MAGI3: variants seen among roughly 807,000 people sequenced by gnomAD.
The protein encoded by MAGI3 is membrane-associated guanylate kinase, WW and PDZ domain-containing protein 3.
A neutral mutation model predicts 121.8 loss-of-function variants in MAGI3; 43 were observed. The observed-to-expected ratio is 0.35, with a 90% CI of 0.28 to 0.46. The LOEUF (loss-of-function observed/expected upper bound fraction) is 0.46, where lower values mean the gene tolerates loss of function less well. Ranked by LOEUF, MAGI3 falls within the 20% of genes least tolerant of loss-of-function variation. The pLI, the probability that MAGI3 is intolerant of heterozygous loss-of-function variation, is 1.00. For synonymous variants in MAGI3, 553 were observed against 639.3 expected (o/e 0.86, Z 2.04); for missense variants, 1,547 against 1,797.3 (o/e 0.86, Z 2.52).
intron 6 of MAGI3, among the ~76,000 whole-genome samples, chr1:113,596,330 A>G (rs936806307): frequency 6.6e-6 from 1 of 152,212 alleles, no homozygotes; most frequent in Non-Finnish European, 1.5e-5. Flanking sequence ...ACTTCATACA[A>G]ACAGTTAATT....
chr1:113,462,718 A>G (rs189370472), intron 1 of MAGI3, among the ~76,000 whole-genome samples: 53 of 152,300 alleles, frequency 3.5e-4, no homozygotes, highest in Admixed American at 1.0e-3. Context: ...AAGGTGAAAA[A>G]CAAAAGATGA....
At chr1:113,553,523 A>G (rs909608443) in intron 2 of MAGI3, among the ~76,000 whole-genome samples, 6 of 152,174 alleles carry the variant, frequency 3.9e-5, no homozygotes, top group Non-Finnish European at 7.4e-5. Context: ...TTTGAGTTCT[A>G]ATCAGCTTGG....
chr1:113,655,252 C>T (rs942081094), intron 15 of MAGI3, among the ~76,000 whole-genome samples: 2 of 152,070 alleles, frequency 1.3e-5, no homozygotes, highest in East Asian at 1.9e-4. Flanking sequence ...TTGTCATTCT[C>T]GTAACATACA....
At chr1:113,593,721 T>C (rs916503036) in intron 5 of MAGI3, among the ~76,000 whole-genome samples, 2 of 152,196 alleles carry the variant, frequency 1.3e-5, no homozygotes, top group South Asian at 4.1e-4. Context: ...TGCTGCATGG[T>C]GACCTGGTCT....
chr1:113,397,918 A>G (rs1651200800), intron 1 of MAGI3, among the ~76,000 whole-genome samples: 1 of 152,168 alleles, frequency 6.6e-6, no homozygotes, highest in Non-Finnish European at 1.5e-5. Context: ...CTAGCCTAGG[A>G]AAAAGGGAAT....
intron 1 of MAGI3, among the ~76,000 whole-genome samples, chr1:113,412,556 A>G (rs1652058824): frequency 6.6e-6 from 1 of 152,064 alleles, no homozygotes; most frequent in Admixed American, 6.5e-5. Context: ...CTTTTTAATG[A>G]TTGCCATTCT....
rs753907225 is a variant in MAGI3 at position 113,659,118 on chromosome 1, C to A, written c.2668C>A (p.Pro890Thr). 2 of 1,613,286 alleles carry A rather than the reference C, an allele frequency of 1.2e-6. No individual in the cohort carries two copies. Among genetic ancestry groups the A allele is most frequent in the African/African-American group, 1.3e-5 (1 of 74,842 alleles). ...HKIGRVIEGS[P>T]ADRCGKLKVG... ...AATTGGCCGAGTCATAGAAGGAAGT[C>A]CGGCTGACCGCTGTGGAAAACTGAA... The change falls in exon 16 of 21, where the codon CCG becomes ACG. Residue 890 changes from proline to threonine, a missense_variant. Coordinates refer to ENST00000307546, the MANE Select transcript of MAGI3 (RefSeq NM_001142782.2).
At chr1:113,449,989 C>T in intron 1 of MAGI3, 1 of 1,567,348 alleles carries the variant, frequency 6.4e-7, no homozygotes, top group Non-Finnish European at 8.7e-7. Flanking sequence ...TCTGTAAAGC[C>T]TGGTGCCCAT....
At chr1:113,416,009 T>C (rs1338949325) in intron 1 of MAGI3, among the ~76,000 whole-genome samples, 4 of 125,430 alleles carry the variant, frequency 3.2e-5, no homozygotes, top group Non-Finnish European at 6.8e-5. Flanking sequence ...TAATTACATA[T>C]ATTAATTATG....
intron 1 of MAGI3, among the ~76,000 whole-genome samples, chr1:113,394,467 T>C (rs575448393): frequency 6.6e-6 from 1 of 152,308 alleles, no homozygotes; most frequent in East Asian, 1.9e-4. Context: ...AGTAGTAAAG[T>C]TGAACTTTGG....
chr1:113,507,803 A>C (rs1247401749), intron 1 of MAGI3, among the ~76,000 whole-genome samples: 1 of 152,206 alleles, frequency 6.6e-6, no homozygotes, highest in Non-Finnish European at 1.5e-5. Context: ...TTTACCTACT[A>C]AAGAAAGACA....
intron 1 of MAGI3, among the ~76,000 whole-genome samples, chr1:113,547,043 A>G (rs1239004373): frequency 2.0e-5 from 3 of 150,852 alleles, no homozygotes; most frequent in Non-Finnish European, 4.4e-5. Flanking sequence ...AGATTGTGCC[A>G]CTGCACTCCA....
At chr1:113,428,353 G>T (rs1425063400) in intron 1 of MAGI3, among the ~76,000 whole-genome samples, 3 of 152,046 alleles carry the variant, frequency 2.0e-5, no homozygotes, top group African/African-American at 7.2e-5. Context: ...TTCCCCATAT[G>T]GATTTTTAGT....
chr1:113,618,955 CACTTA>C (rs2101783263), intron 7 of MAGI3, among the ~76,000 whole-genome samples: 1 of 152,334 alleles, frequency 6.6e-6, no homozygotes, highest in South Asian at 2.1e-4. Flanking sequence ...TAACCAACTC[CACTTA>C]ACTGGCTTGC....
chr1:113,571,887 C>T (rs1375237093), intron 2 of MAGI3, among the ~76,000 whole-genome samples: 1 of 152,198 alleles, frequency 6.6e-6, no homozygotes, highest in Non-Finnish European at 1.5e-5. Flanking sequence ...CCCTTTATTT[C>T]TTTCTCTTGC....
At chr1:113,495,167 G>A (rs935689887) in intron 1 of MAGI3, among the ~76,000 whole-genome samples, 6 of 151,996 alleles carry the variant, frequency 3.9e-5, no homozygotes, top group African/African-American at 7.2e-5. Flanking sequence ...TAAGTGATTC[G>A]AAGTAATGCA....
intron 1 of MAGI3, among the ~76,000 whole-genome samples, chr1:113,423,121 T>A (rs976402244): frequency 3.9e-5 from 6 of 152,122 alleles, no homozygotes; most frequent in African/African-American, 1.4e-4. Flanking sequence ...AATGAGATTA[T>A]GTGGACAACT....
chr1:113,471,795 C>A (rs912999948), intron 1 of MAGI3, among the ~76,000 whole-genome samples: 7 of 152,142 alleles, frequency 4.6e-5, no homozygotes, highest in African/African-American at 1.7e-4. Flanking sequence ...TATAGGAATT[C>A]TTCAGCTCCA....
chr1:113,602,043 A>G (rs902801740), intron 6 of MAGI3, among the ~76,000 whole-genome samples: 1 of 152,032 alleles, frequency 6.6e-6, no homozygotes, highest in Non-Finnish European at 1.5e-5. Flanking sequence ...GGACACAGGA[A>G]GGGGAACATC....
Sources: gnomAD v4.1 joint callset for allele counts (sites outside exome capture counted in the v4.1 genomes callset) on GRCh38, gnomAD v4.1.1 for gene constraint, MANE v1.5 for transcripts, NCBI Gene and HGNC (gene_info 2026-07-23, HGNC 2026-07-21) for gene names.